The following VTI1A variants were observed in gnomAD, a reference collection of about 807,000 sequenced individuals.
The protein encoded by VTI1A is vesicle transport through interaction with t-SNAREs 1A, also known as vesicle transport through interaction with t-SNAREs homolog 1A.
In VTI1A, 22 loss-of-function variants were observed where a neutral mutation model predicts 34.9. The observed-to-expected ratio is 0.63, with a 90% CI of 0.45 to 0.90. VTI1A has a LOEUF of 0.90. Ranked by LOEUF, VTI1A falls within the 40% of genes least tolerant of loss-of-function variation. The pLI is 0.00. For synonymous variants in VTI1A, 87 were observed against 97.3 expected (o/e 0.89, Z 0.62); for missense variants, 268 against 275.6 (o/e 0.97, Z 0.20).
intron 5 of VTI1A, among the ~76,000 whole-genome samples, chr10:112,556,330 T>C (rs185090099): frequency 2.4e-3 from 360 of 152,168 alleles, no homozygotes; most frequent in Non-Finnish European, 4.4e-3. Flanking sequence ...ACTTGAAATG[T>C]CTCAGAATTG....
the VTI1A span, among the ~76,000 whole-genome samples, chr10:112,850,275 A>G: frequency 2.6e-5 from 4 of 151,794 alleles, no homozygotes; most frequent in African/African-American, 4.8e-5. Context: ...AAATAAGACA[A>G]TTCCCTACAA....
chr10:112,649,626 C>A (rs566244536), intron 5 of VTI1A, among the ~76,000 whole-genome samples: 4 of 152,262 alleles, frequency 2.6e-5, no homozygotes, highest in African/African-American at 7.2e-5. Flanking sequence ...TCATGCATTC[C>A]TTAATGATGG....
At chr10:112,493,222 T>C (rs1405605859) in intron 3 of VTI1A, among the ~76,000 whole-genome samples, 5 of 152,162 alleles carry the variant, frequency 3.3e-5, no homozygotes, top group Non-Finnish European at 5.9e-5. Flanking sequence ...TTCTCTTTAA[T>C]TGTGTCGTGA....
chr10:112,648,924 A>C (rs953168154), intron 5 of VTI1A, among the ~76,000 whole-genome samples: 4 of 152,174 alleles, frequency 2.6e-5, no homozygotes, highest in Admixed American at 2.0e-4. Context: ...TTACTCATCT[A>C]TTAAGAGGTT....
At position 112,447,342 on chromosome 10, in the gene VTI1A, C is replaced by T; in HGVS notation, c.-32C>T. 1.9e-6 allele frequency: 3 copies of T among 1,606,704 alleles called. No homozygotes were observed. The highest frequency in any genetic ancestry group is 2.5e-6 in the Non-Finnish European group (3 of 1,176,684). The stretch of plus-strand genomic sequence containing the variant: ...CTCGAGGCCCTTTCCCTGACCTAGG[C>T]TTTGGCCTGGGCTACTCGTTCCGGA... On this transcript the variant is annotated 5_prime_UTR_variant, in exon 1 of 8. Coordinates refer to ENST00000393077, the MANE Select transcript of VTI1A (RefSeq NM_145206.4).
chr10:112,495,059 T>G, intron 3 of VTI1A, among the ~76,000 whole-genome samples: 1 of 152,140 alleles, frequency 6.6e-6, no homozygotes, highest in East Asian at 1.9e-4. Flanking sequence ...CAAAAACTGA[T>G]GGAAATGTGT....
intron 7 of VTI1A, among the ~76,000 whole-genome samples, chr10:112,699,075 A>C (rs1263499703): frequency 6.6e-6 from 1 of 152,224 alleles, no homozygotes; most frequent in Non-Finnish European, 1.5e-5. Context: ...CCAAACTGCC[A>C]AGCTCTAAAG....
rs571805955 is a variant in VTI1A at position 112,587,359 on chromosome 10, A to G, written c.427+49029A>G. 1.1e-4 allele frequency among the ~76,000 whole-genome samples: 17 copies of G among 152,278 alleles called. No individual in the cohort carries two copies. The Middle Eastern group carries it at 0.014, about 122-fold the overall frequency. The stretch of plus-strand genomic sequence containing the variant: ...GTGTATATTGTATGTTCTTGCCCCA[A>G]AGAGCTTATAACATAGGAGAAGGAA... On this transcript the variant is annotated intron_variant, in intron 5 of 7. Coordinates refer to ENST00000393077, the MANE Select transcript of VTI1A (RefSeq NM_145206.4).
chr10:112,740,574 G>A lies in VTI1A; in HGVS notation c.560+71576G>A, dbSNP rs566334444. 3.3e-5 allele frequency among the ~76,000 whole-genome samples: 5 copies of A among 152,298 alleles called. No homozygotes were observed. In the East Asian group the frequency reaches 5.8e-4, roughly 18 times the overall value. ...TGCTGGGATTACAGGCGTGTGCCACGATGCCCATCCTTGAACATTTTCTTT... is the reference window on the plus strand; with the variant it reads ...TGCTGGGATTACAGGCGTGTGCCACAATGCCCATCCTTGAACATTTTCTTT... On this transcript the variant is annotated intron_variant, in intron 7 of 7. Coordinates refer to ENST00000393077, the MANE Select transcript of VTI1A (RefSeq NM_145206.4).
intron 3 of VTI1A, among the ~76,000 whole-genome samples, chr10:112,510,016 C>T (rs1849553823): frequency 6.6e-6 from 1 of 152,194 alleles, no homozygotes; most frequent in African/African-American, 2.4e-5. Flanking sequence ...ACGCCAAAAT[C>T]TTCTGTGTTC....
intron 7 of VTI1A, among the ~76,000 whole-genome samples, chr10:112,686,159 C>T (rs1164695253): frequency 6.6e-6 from 1 of 152,094 alleles, no homozygotes; most frequent in Admixed American, 6.5e-5. Context: ...AGAGAGATTG[C>T]ATCTTGATTT....
chr10:112,490,964 C>T lies in VTI1A; in HGVS notation c.264+26307C>T, dbSNP rs555811836. Among the ~76,000 whole-genome samples, 12 of 145,590 alleles carry T rather than the reference C, an allele frequency of 8.2e-5. 1 individual carries two copies. Among genetic ancestry groups the T allele is most frequent in the Non-Finnish European group, 1.5e-4 (10 of 66,080 alleles). On this transcript the variant is annotated intron_variant, in intron 3 of 7. Coordinates refer to ENST00000393077, the MANE Select transcript of VTI1A (RefSeq NM_145206.4). ...CAACCCCCCTGCCCACCCTCCCCTA[C>T]CAATTTCTTTCCCTTAAGTTTATTT...
rs563192858 is a variant in VTI1A at position 112,774,299 on chromosome 10, C to T, written c.561-40991C>T. On this transcript the variant is annotated intron_variant, in intron 7 of 7. Coordinates refer to ENST00000393077, the MANE Select transcript of VTI1A (RefSeq NM_145206.4). ...CATCTGTGTTTTCTGGAAGGTTCTT[C>T]TCATAGTTCCTCTCATAGTTCCACC... is the stretch of plus-strand genomic sequence containing the variant. Among the ~76,000 whole-genome samples the T allele has an allele frequency of 5.9e-5, 9 of 152,312 alleles. 1 individual carries two copies. In the South Asian group the frequency reaches 1.9e-3, roughly 32 times the overall value.
In VTI1A at chr10:112,817,152, C is replaced by T. The variant is rs1853546995; in HGVS notation, c.*1769C>T. ...AAAAGCAAGGAAACAAACAAACAACCCTTTTCTCATTCCGACACACGAATA... is the reference window on the plus strand; with the variant it reads ...AAAAGCAAGGAAACAAACAAACAACTCTTTTCTCATTCCGACACACGAATA... On this transcript the variant is annotated 3_prime_UTR_variant, in exon 8 of 8. Coordinates refer to ENST00000393077, the MANE Select transcript of VTI1A (RefSeq NM_145206.4). The T allele has an allele frequency of 4.3e-6, 1 of 232,626 alleles. No homozygotes were observed. The highest frequency in any genetic ancestry group is 5.6e-5 in the Admixed American group (1 of 17,762). 14.4% of individuals were successfully genotyped at this position (232,626 alleles called of 1,614,324 possible). A position where few individuals can be genotyped will look rare whatever the true frequency, so the allele number is the denominator to read the frequency against.
chr10:112,497,119 A>G (rs534768936), intron 3 of VTI1A, among the ~76,000 whole-genome samples: 7 of 152,120 alleles, frequency 4.6e-5, no homozygotes, highest in Admixed American at 4.6e-4. Context: ...GGAGTTCAAG[A>G]CCAGCTCGGC....
In VTI1A at chr10:112,528,228, T is replaced by C. The variant is rs536768415; in HGVS notation, c.342+1064T>C. Among the ~76,000 whole-genome samples, 10 of 152,254 alleles carry C rather than the reference T, an allele frequency of 6.6e-5. No individual in the cohort carries two copies. In the South Asian group the frequency reaches 1.0e-3, roughly 16 times the overall value. On this transcript the variant is annotated intron_variant, in intron 4 of 7. Transcript: ENST00000393077. Reference sequence around the variant, plus strand: ...AAATTGCATAATTGTATTTACCATCTCAAATAGATGATATTATAGGTCCAT... The same window carrying C: ...AAATTGCATAATTGTATTTACCATCCCAAATAGATGATATTATAGGTCCAT...
intron 5 of VTI1A, among the ~76,000 whole-genome samples, chr10:112,645,580 G>T (rs1846741515): frequency 6.6e-6 from 1 of 152,208 alleles, no homozygotes; most frequent in African/African-American, 2.4e-5. Context: ...CGTAAGATAT[G>T]AAATGAGGAG....
At chr10:112,631,059 G>T (rs1376611316) in intron 5 of VTI1A, among the ~76,000 whole-genome samples, 1 of 152,004 alleles carries the variant, frequency 6.6e-6, no homozygotes, top group Non-Finnish European at 1.5e-5. Flanking sequence ...GAGCCGGGAG[G>T]TGGAGGTTGC....
the VTI1A span, among the ~76,000 whole-genome samples, chr10:112,847,902 G>A: frequency 6.6e-6 from 1 of 152,224 alleles, no homozygotes; most frequent in Non-Finnish European, 1.5e-5. Context: ...TCTCCTATCT[G>A]AGGCACCAGG....
Sources: allele counts gnomAD v4.1 joint callset (sites outside exome capture counted in the v4.1 genomes callset), GRCh38; gene constraint gnomAD v4.1.1; transcripts MANE v1.5; gene names NCBI Gene and HGNC (gene_info 2026-07-23, HGNC 2026-07-21).